Variants in NEK11 observed in about 807,000 individuals in gnomAD.
The protein encoded by NEK11 is serine/threonine-protein kinase Nek11.
Under a neutral mutation model 80.7 loss-of-function variants are expected in NEK11, and 72 were observed. The ratio of observed to expected loss-of-function variants is 0.89; its 90% CI spans 0.74 to 1.08. The LOEUF (loss-of-function observed/expected upper bound fraction) is 1.08, where lower values mean the gene tolerates loss of function less well. Among genes scored for constraint, NEK11 ranks in the 50% least tolerant of loss-of-function variants. The pLI is 0.00. For synonymous variants in NEK11, 251 were observed against 260.7 expected, an observed-to-expected ratio of 0.96 and a Z score of 0.36; for missense variants, 764 against 763.6, an observed-to-expected ratio of 1.00 and a Z score of -0.01.
chr3:131,080,035 GTGTT>G (rs1379865243), intron 3 of NEK11, among the ~76,000 whole-genome samples: 3 of 91,572 alleles, frequency 3.3e-5, no homozygotes, highest in African/African-American at 1.0e-4. Flanking sequence ...ATGTGTGTGT[GTGTT>G]TGTGTGTGTG....
chr3:131,197,956 T>C (rs1056858617), intron 14 of NEK11, among the ~76,000 whole-genome samples: 1 of 152,206 alleles, frequency 6.6e-6, no homozygotes. Context: ...TTCAGGTTTC[T>C]GTACAGCCAA....
At position 131,133,879 on chromosome 3, in the gene NEK11, A is replaced by T. The variant is rs747629555; in HGVS notation, c.570A>T (p.Thr190=). Residue 190 remains threonine (T), a synonymous_variant, in exon 7 of 18, where the codon ACA becomes ACT. Transcript: ENST00000383366. The part of the protein sequence containing the change: ...RLLMGSCDLA[T]TLTGTPHYMS... ...TAATGGGATCCTGTGACCTGGCCAC[A>T]ACTTTAACTGGAACTCCCCATTATA... 6.2e-7 allele frequency: 1 copy of T among 1,612,586 alleles called. No individual in the cohort carries two copies.
At chr3:131,313,437 C>T (rs181900965) in intron 17 of NEK11, among the ~76,000 whole-genome samples, 8 of 152,310 alleles carry the variant, frequency 5.3e-5, no homozygotes, top group African/African-American at 9.6e-5. Context: ...CTCCCACCAG[C>T]AGTGTGTAAG....
intron 17 of NEK11, among the ~76,000 whole-genome samples, chr3:131,316,381 A>G (rs1310702936): frequency 6.6e-6 from 1 of 152,202 alleles, no homozygotes; most frequent in African/African-American, 2.4e-5. Flanking sequence ...CCCCAGCTTT[A>G]GAGAAACACA....
At chr3:131,288,749 G>A (rs150362463) in intron 17 of NEK11, among the ~76,000 whole-genome samples, 11 of 152,112 alleles carry the variant, frequency 7.2e-5, no homozygotes, top group Admixed American at 3.3e-4. Context: ...ACCGCGCCCC[G>A]CCTATATGGT....
chr3:131,307,314 T>C (rs1287329308), intron 17 of NEK11, among the ~76,000 whole-genome samples: 1 of 152,210 alleles, frequency 6.6e-6, no homozygotes, highest in Non-Finnish European at 1.5e-5. Flanking sequence ...TGCTTACTGC[T>C]ATAAAGTGGA....
At chr3:131,233,671 T>A (rs1451837114) in intron 15 of NEK11, among the ~76,000 whole-genome samples, 1 of 152,188 alleles carries the variant, frequency 6.6e-6, no homozygotes, top group East Asian at 1.9e-4. Context: ...CTCTACTGCA[T>A]CTCAGTTCCT....
intron 17 of NEK11, among the ~76,000 whole-genome samples, chr3:131,332,668 C>T (rs149174429): frequency 0.019 from 2,907 of 152,222 alleles, 44 homozygotes; most frequent in East Asian, 0.087. Flanking sequence ...CAAAATACTC[C>T]GAGCTACAGG....
Position 131,261,935 on chromosome 3 carries a change from T to G in NEK11, c.1622-11543T>G, listed in dbSNP as rs563769301. On this transcript the variant is annotated intron_variant, in intron 16 of 17. Coordinates refer to ENST00000383366, the MANE Select transcript of NEK11 (RefSeq NM_024800.5). ...GCCAAAGCAAATTGAAGGGAGAAAA[T>G]TACAAAAATCAGAGTGGAAATAAGC... Among the ~76,000 whole-genome samples, 4 of 150,096 alleles carry G rather than the reference T, an allele frequency of 2.7e-5. No individual in the cohort carries two copies. In the East Asian group the frequency reaches 7.9e-4, roughly 29 times the overall value.
chr3:131,115,922 C>A, intron 5 of NEK11, among the ~76,000 whole-genome samples: 1 of 98,116 alleles, frequency 1.0e-5, no homozygotes, highest in Admixed American at 1.1e-4. Context: ...TTCTTTCTTT[C>A]TTTCTTTCTT....
At chr3:131,222,345 C>T (rs2095052025) in intron 14 of NEK11, among the ~76,000 whole-genome samples, 2 of 152,132 alleles carry the variant, frequency 1.3e-5, no homozygotes, top group Non-Finnish European at 2.9e-5. Context: ...CAAATGGTAT[C>T]TTTGTGCTAT....
At chr3:131,155,894 G>A (rs1394713436) in intron 10 of NEK11, among the ~76,000 whole-genome samples, 1 of 152,128 alleles carries the variant, frequency 6.6e-6, no homozygotes, top group Non-Finnish European at 1.5e-5. Context: ...AAATTTGCAT[G>A]ATCTCCAGTT....
intron 4 of NEK11, among the ~76,000 whole-genome samples, chr3:131,087,087 A>G (rs1471158182): frequency 6.6e-6 from 1 of 152,104 alleles, no homozygotes; most frequent in African/African-American, 2.4e-5. Flanking sequence ...AATGAAAGTT[A>G]TTATAATTGT....
chr3:131,203,747 ATGTGTGTG>A (rs1166405831), intron 14 of NEK11, among the ~76,000 whole-genome samples: 8 of 64,284 alleles, frequency 1.2e-4, no homozygotes, highest in African/African-American at 3.4e-4. Flanking sequence ...GTATATATAT[ATGTGTGTG>A]TGTGTGTGTG....
At chr3:131,221,212 G>T (rs531207326) in intron 14 of NEK11, among the ~76,000 whole-genome samples, 1 of 152,260 alleles carries the variant, frequency 6.6e-6, no homozygotes, top group Non-Finnish European at 1.5e-5. Context: ...GATGGGTGTG[G>T]CCTCTGCCCT....
chr3:131,135,729 G>A (rs943525975), intron 7 of NEK11, among the ~76,000 whole-genome samples: 6 of 151,820 alleles, frequency 4.0e-5, no homozygotes, highest in Non-Finnish European at 7.4e-5. Flanking sequence ...ATAGTTTAAG[G>A]TTATATGGTA....
intron 17 of NEK11, among the ~76,000 whole-genome samples, chr3:131,338,022 A>G (rs1251374195): frequency 6.6e-6 from 1 of 151,856 alleles, no homozygotes; most frequent in African/African-American, 2.4e-5. Context: ...AGGTCACTGC[A>G]GTGGCACGAT....
At chr3:131,227,801 T>A (rs2095242297) in intron 14 of NEK11, among the ~76,000 whole-genome samples, 1 of 152,190 alleles carries the variant, frequency 6.6e-6, no homozygotes. Flanking sequence ...ATTCATGGCC[T>A]TTCTTCACTG....
chr3:131,331,351 T>C (rs1254346326), intron 17 of NEK11, among the ~76,000 whole-genome samples: 1 of 152,196 alleles, frequency 6.6e-6, no homozygotes, highest in African/African-American at 2.4e-5. Context: ...GCTTTAAAAA[T>C]CCTTGTAAAT....
Sources: allele counts gnomAD v4.1 joint callset (sites outside exome capture counted in the v4.1 genomes callset), GRCh38; gene constraint gnomAD v4.1.1; transcripts MANE v1.5; gene names NCBI Gene and HGNC (gene_info 2026-07-23, HGNC 2026-07-21).